The following ACYP2 variants were observed in gnomAD, a reference collection of about 807,000 sequenced individuals.
ACYP2 encodes acylphosphatase 2.
A neutral mutation model predicts 11.2 loss-of-function variants in ACYP2; 12 were observed. That is an observed-to-expected ratio of 1.08 (90% CI 0.69 to 1.74). The LOEUF (loss-of-function observed/expected upper bound fraction) is 1.74, where lower values mean the gene tolerates loss of function less well. Among genes scored for constraint, ACYP2 ranks in the 40% most tolerant of loss-of-function variants. The probability of loss-of-function intolerance (pLI) is 0.00; values close to 1 mark genes in which losing one functional copy is unlikely to be tolerated. For synonymous variants in ACYP2, 43 were observed against 32.2 expected, an observed-to-expected ratio of 1.33 and a Z score of -1.13; for missense variants, 134 against 101.9, an observed-to-expected ratio of 1.31 and a Z score of -1.35.
intron 6 of ACYP2, among the ~76,000 whole-genome samples, chr2:54,207,493 A>G (rs1330069379): frequency 6.6e-6 from 1 of 152,208 alleles, no homozygotes; most frequent in Non-Finnish European, 1.5e-5. Context: ...AATGTTAATC[A>G]TATCTACAAA....
intron 2 of ACYP2, among the ~76,000 whole-genome samples, chr2:54,044,793 A>C (rs1459425528): frequency 6.6e-6 from 1 of 152,082 alleles, no homozygotes; most frequent in Admixed American, 6.6e-5. Context: ...GCCATGTTTT[A>C]TGCTAGAAAC....
intron 6 of ACYP2, among the ~76,000 whole-genome samples, chr2:54,227,359 G>T (rs1158159015): frequency 1.3e-5 from 2 of 152,024 alleles, no homozygotes; most frequent in African/African-American, 4.8e-5. Context: ...TATGCACACT[G>T]GGCTGAACAA....
At chr2:54,251,683 C>A (rs1195503874) in intron 6 of ACYP2, among the ~76,000 whole-genome samples, 1 of 152,110 alleles carries the variant, frequency 6.6e-6, no homozygotes, top group Non-Finnish European at 1.5e-5. Context: ...AATGTCTTTC[C>A]AAGGCAGCCT....
intron 3 of ACYP2, among the ~76,000 whole-genome samples, chr2:54,054,467 G>T (rs1676018370): frequency 6.6e-6 from 1 of 152,186 alleles, no homozygotes; most frequent in Non-Finnish European, 1.5e-5. Context: ...GATTGATCTT[G>T]TTTTGATTTT....
intron 4 of ACYP2, among the ~76,000 whole-genome samples, chr2:54,078,497 A>G (rs1345337347): frequency 2.6e-5 from 4 of 151,300 alleles, no homozygotes; most frequent in African/African-American, 7.3e-5. Context: ...CTATCCTTGT[A>G]CCATCTTGCA....
intron 2 of ACYP2, among the ~76,000 whole-genome samples, chr2:54,049,850 CT>C: frequency 6.6e-6 from 1 of 152,332 alleles, no homozygotes; most frequent in South Asian, 2.1e-4. Context: ...ACTATACTTA[CT>C]TTTTGCCAAG....
chr2:54,008,590 G>T (rs576135464), intron 2 of ACYP2, among the ~76,000 whole-genome samples: 7 of 152,162 alleles, frequency 4.6e-5, no homozygotes, highest in Non-Finnish European at 8.8e-5. Flanking sequence ...CTTTGGCCAG[G>T]TTCAAGTGAT....
intron 6 of ACYP2, among the ~76,000 whole-genome samples, chr2:54,183,041 G>A (rs1727522): frequency 0.54 from 81,518 of 152,028 alleles, 22,297 homozygotes; most frequent in East Asian, 0.7. Context: ...AACGGCCCAC[G>A]ATCCTTATTT....
chr2:54,127,750 C>CAAA (rs3068999), intron 4 of ACYP2, among the ~76,000 whole-genome samples: 4 of 90,472 alleles, frequency 4.4e-5, no homozygotes, highest in Non-Finnish European at 9.1e-5. Context: ...GAGACTGTCT[C>CAAA]AAAAAAAAAA....
chr2:54,038,129 A>T (rs138292108), intron 2 of ACYP2, among the ~76,000 whole-genome samples: 54 of 152,332 alleles, frequency 3.5e-4, no homozygotes, highest in African/African-American at 1.3e-3. Flanking sequence ...CTGGATCAAC[A>T]CTTCCTGGAA....
intron 6 of ACYP2, among the ~76,000 whole-genome samples, chr2:54,229,502 T>A (rs568272537): frequency 6.6e-6 from 1 of 152,352 alleles, no homozygotes; most frequent in African/African-American, 2.4e-5. Context: ...ATGTATATTA[T>A]TTGGAGAGCC....
At chr2:53,985,377 A>AT (rs908234842) in intron 2 of ACYP2, among the ~76,000 whole-genome samples, 2 of 151,652 alleles carry the variant, frequency 1.3e-5, no homozygotes, top group Non-Finnish European at 2.9e-5. Context: ...AGGATTTAGC[A>AT]TTTTTTTCAT....
At chr2:53,994,337 A>G (rs1468315552) in intron 2 of ACYP2, among the ~76,000 whole-genome samples, 2 of 148,394 alleles carry the variant, frequency 1.3e-5, no homozygotes, top group African/African-American at 5.0e-5. Context: ...CTCAAAAAAA[A>G]AAAAAAAAAA....
chr2:54,214,507 C>G (rs1041723744), intron 6 of ACYP2, among the ~76,000 whole-genome samples: 1 of 152,152 alleles, frequency 6.6e-6, no homozygotes, highest in African/African-American at 2.4e-5. Flanking sequence ...GTCCTTTTCC[C>G]ATTGCTTGTT....
intron 4 of ACYP2, among the ~76,000 whole-genome samples, chr2:54,097,643 A>G (rs929404286): frequency 3.3e-5 from 5 of 151,238 alleles, no homozygotes; most frequent in African/African-American, 1.2e-4. Flanking sequence ...AGCTTCCACA[A>G]TTTGCAACAT....
intron 6 of ACYP2, among the ~76,000 whole-genome samples, chr2:54,266,707 G>A (rs1373026099): frequency 7.3e-6 from 1 of 137,696 alleles, no homozygotes; most frequent in Admixed American, 8.3e-5. Context: ...CCGGGTTCAC[G>A]CCATTCTCCT....
chr2:54,178,500 A>G (rs533861652), intron 6 of ACYP2, among the ~76,000 whole-genome samples: 8 of 152,312 alleles, frequency 5.3e-5, no homozygotes, highest in East Asian at 3.9e-4. Context: ...CTATGCCCCA[A>G]TCCCACCACA....
intron 6 of ACYP2, chr2:54,256,169 C>G (rs776099826): frequency 6.2e-6 from 10 of 1,600,636 alleles, no homozygotes; most frequent in Non-Finnish European, 7.7e-6. Flanking sequence ...GCGGCCAGGG[C>G]AGCAGTGGGT....
intron 6 of ACYP2, among the ~76,000 whole-genome samples, chr2:54,165,523 T>TCACA (rs1396260548): frequency 9.3e-5 from 12 of 128,656 alleles, no homozygotes; most frequent in African/African-American, 4.1e-4. Context: ...TCACTCTCTC[T>TCACA]CTCTCTCTCT....
Sources: allele counts gnomAD v4.1 joint callset (sites outside exome capture counted in the v4.1 genomes callset), GRCh38; gene constraint gnomAD v4.1.1; transcripts MANE v1.5; gene names NCBI Gene and HGNC (gene_info 2026-07-23, HGNC 2026-07-21).